The following HIVEP3 variants were observed in gnomAD, a reference collection of about 807,000 sequenced individuals.
The protein encoded by HIVEP3 is HIVEP zinc finger 3, also known as transcription factor HIVEP3.
In HIVEP3, 49 loss-of-function variants were observed where a neutral mutation model predicts 152.8. That is an observed-to-expected ratio of 0.32 (90% CI 0.26 to 0.41). The LOEUF (loss-of-function observed/expected upper bound fraction) is 0.41, where lower values mean the gene tolerates loss of function less well. Ranked by LOEUF, HIVEP3 falls within the 10% of genes least tolerant of loss-of-function variation. HIVEP3 has a pLI of 1.00. For missense variants in HIVEP3, 2,790 were observed against 3,103.3 expected (o/e 0.90, Z 2.40); for synonymous variants, 1,269 against 1,289.0 (o/e 0.98, Z 0.33).
intron 5 of HIVEP3, among the ~76,000 whole-genome samples, chr1:41,528,447 C>T (rs1219556298): frequency 7.3e-6 from 1 of 136,122 alleles, no homozygotes; most frequent in Admixed American, 7.2e-5. Context: ...CACATCCCAC[C>T]CTCACACACA....
intron 1 of HIVEP3, among the ~76,000 whole-genome samples, chr1:41,827,858 G>A (rs1255563942): frequency 2.0e-5 from 3 of 151,988 alleles, no homozygotes; most frequent in Non-Finnish European, 4.4e-5. Context: ...TATGGGCAGG[G>A]CTTGGGGGGC....
chr1:41,694,364 T>A (rs1377072378), intron 2 of HIVEP3, among the ~76,000 whole-genome samples: 2 of 152,132 alleles, frequency 1.3e-5, no homozygotes, highest in Non-Finnish European at 2.9e-5. Context: ...GACAGTGAGC[T>A]CCTTGAAGGC....
intron 5 of HIVEP3, among the ~76,000 whole-genome samples, chr1:41,550,287 T>C (rs1643880935): frequency 6.6e-6 from 1 of 152,246 alleles, no homozygotes; most frequent in South Asian, 2.1e-4. Flanking sequence ...AGCCTTGTAG[T>C]ATACTTTGAA....
chr1:41,798,980 A>G (rs1176116408), intron 1 of HIVEP3, among the ~76,000 whole-genome samples: 2 of 152,184 alleles, frequency 1.3e-5, no homozygotes, highest in African/African-American at 4.8e-5. Context: ...GACAGCACTT[A>G]GCATCTCTCA....
At chr1:41,746,969 C>T (rs1647081898) in intron 1 of HIVEP3, among the ~76,000 whole-genome samples, 1 of 152,086 alleles carries the variant, frequency 6.6e-6, no homozygotes, top group African/African-American at 2.4e-5. Context: ...GTAACAGCAT[C>T]ACCCCCGGCT....
chr1:41,902,468 C>T (rs1644641251), intron 1 of HIVEP3, among the ~76,000 whole-genome samples: 1 of 152,106 alleles, frequency 6.6e-6, no homozygotes, highest in Non-Finnish European at 1.5e-5. Flanking sequence ...ACACCCCCAC[C>T]CCCCACTGCC....
chr1:41,833,899 G>C (rs977261038), intron 1 of HIVEP3, among the ~76,000 whole-genome samples: 1 of 152,196 alleles, frequency 6.6e-6, no homozygotes, highest in Admixed American at 6.5e-5. Flanking sequence ...CCTGCTCAGC[G>C]TGGGAGCCTC....
At chr1:41,609,645 AGGCCCCAC>A (rs1455160873) in intron 3 of HIVEP3, among the ~76,000 whole-genome samples, 1 of 152,238 alleles carries the variant, frequency 6.6e-6, no homozygotes, top group Non-Finnish European at 1.5e-5. Context: ...CCACTAGTTT[AGGCCCCAC>A]GGCATGGCTC....
At chr1:41,758,444 G>A (rs1383760895) in intron 1 of HIVEP3, among the ~76,000 whole-genome samples, 2 of 152,220 alleles carry the variant, frequency 1.3e-5, no homozygotes, top group Non-Finnish European at 2.9e-5. Context: ...CTTATGCACA[G>A]CCTTCCACGC....
intron 2 of HIVEP3, among the ~76,000 whole-genome samples, 161 bp from the exon 3 acceptor site, chr1:41,629,108 T>A (rs1645158403): frequency 6.6e-6 from 1 of 152,168 alleles, no homozygotes; most frequent in African/African-American, 2.4e-5. Context: ...CTACTTTGCA[T>A]CCAACACTTA....
chr1:41,958,974 C>G (rs1032781348), intron 1 of HIVEP3, among the ~76,000 whole-genome samples: 3 of 152,174 alleles, frequency 2.0e-5, no homozygotes, highest in Non-Finnish European at 4.4e-5. Context: ...AACCAGTGAG[C>G]ACTGATGATG....
At chr1:41,950,782 T>C (rs1236824355) in intron 1 of HIVEP3, among the ~76,000 whole-genome samples, 2 of 152,244 alleles carry the variant, frequency 1.3e-5, no homozygotes, top group Non-Finnish European at 2.9e-5. Flanking sequence ...GTAAACCTCA[T>C]ACTGCCCTAA....
At position 41,580,454 on chromosome 1, in the gene HIVEP3, T is replaced by C; in HGVS notation, c.4344A>G (p.Lys1448=). Residue 1448 remains lysine (K), a synonymous_variant, in exon 4 of 9, where the codon AAA becomes AAG. Transcript: ENST00000372583. The part of the protein sequence containing the change: ...LELTMETQQQ[K]RVKEEEASKA... Reference sequence around the variant, plus strand: ...TGGAAGCCTCCTCCTCCTTCACTCTTTTTTGCTGCTGGGTTTCCATGGTAA... The same window carrying C: ...TGGAAGCCTCCTCCTCCTTCACTCTCTTTTGCTGCTGGGTTTCCATGGTAA... The C allele has an allele frequency of 1.2e-6, 2 of 1,614,186 alleles. No individual in the cohort carries two copies. The highest frequency in any genetic ancestry group is 1.7e-6 in the Non-Finnish European group (2 of 1,180,030).
intron 1 of HIVEP3, among the ~76,000 whole-genome samples, chr1:41,954,739 C>T (rs1645130080): frequency 6.6e-6 from 1 of 152,248 alleles, no homozygotes; most frequent in African/African-American, 2.4e-5. Flanking sequence ...ACTCCAGCTC[C>T]TCTGCCTACA....
At chr1:41,855,534 G>T (rs1300727577) in intron 1 of HIVEP3, among the ~76,000 whole-genome samples, 2 of 152,118 alleles carry the variant, frequency 1.3e-5, no homozygotes, top group Non-Finnish European at 2.9e-5. Context: ...ATCAAAAAGT[G>T]GGTGAAGGAC....
At chr1:41,649,510 A>G (rs1471056779) in intron 2 of HIVEP3, among the ~76,000 whole-genome samples, 1 of 152,268 alleles carries the variant, frequency 6.6e-6, no homozygotes, top group Non-Finnish European at 1.5e-5. Flanking sequence ...TGAGCTGCAT[A>G]TGGCTGCTAG....
chr1:41,661,474 T>G (rs541761169), intron 2 of HIVEP3, among the ~76,000 whole-genome samples: 1 of 151,990 alleles, frequency 6.6e-6, no homozygotes, highest in African/African-American at 2.4e-5. Flanking sequence ...GAAGTGGGAG[T>G]AGATCTCTCC....
chr1:41,786,688 G>A (rs536545681), intron 1 of HIVEP3, among the ~76,000 whole-genome samples: 1 of 152,066 alleles, frequency 6.6e-6, no homozygotes, highest in South Asian at 2.1e-4. Context: ...AAAGCTTGCC[G>A]ACCCCTGTTC....
chr1:41,944,109 G>A (rs1645062069), intron 1 of HIVEP3, among the ~76,000 whole-genome samples: 1 of 152,214 alleles, frequency 6.6e-6, no homozygotes, highest in South Asian at 2.1e-4. Flanking sequence ...GGTTGCCAGG[G>A]ACTGGGCAGG....
Sources: allele counts gnomAD v4.1 joint callset (sites outside exome capture counted in the v4.1 genomes callset), GRCh38; gene constraint gnomAD v4.1.1; transcripts MANE v1.5; gene names NCBI Gene and HGNC (gene_info 2026-07-23, HGNC 2026-07-21).